The following IRAG2 variants were observed in gnomAD, a reference collection of about 807,000 sequenced individuals.
The protein encoded by IRAG2 is inositol 1,4,5-triphosphate receptor associated 2.
In IRAG2, 45 loss-of-function variants were observed where a neutral mutation model predicts 69.9. The ratio of observed to expected loss-of-function variants is 0.64; its 90% CI spans 0.51 to 0.83. IRAG2 has a LOEUF of 0.83. Among genes scored for constraint, IRAG2 ranks in the 40% least tolerant of loss-of-function variants. The probability of loss-of-function intolerance (pLI) is 0.00; values close to 1 mark genes in which losing one functional copy is unlikely to be tolerated. For missense variants in IRAG2, 520 were observed against 587.0 expected (o/e 0.89, Z 1.18); for synonymous variants, 193 against 202.4 (o/e 0.95, Z 0.40).
At chr12:25,057,346 C>T (rs1016966886) in intron 1 of IRAG2, among the ~76,000 whole-genome samples, 1 of 142,496 alleles carries the variant, frequency 7.0e-6, no homozygotes, top group Non-Finnish European at 1.5e-5. Flanking sequence ...GTAGCCTCAA[C>T]CTCCTGGGCT....
intron 10 of IRAG2, chr12:25,030,967 G>C (rs1944663506): frequency 1.1e-6 from 1 of 911,380 alleles, no homozygotes; most frequent in Non-Finnish European, 1.3e-6. Flanking sequence ...TACATAGATA[G>C]ATATCATTCT....
Position 25,062,819 on chromosome 12 carries a change from G to T in IRAG2, c.-384-1G>T. On this transcript the variant is annotated splice_acceptor_variant, in intron 2 of 21. Transcript: ENST00000556887. LOFTEE classifies it low-confidence loss of function (5UTR_SPLICE). ...TACACTCTACCATTTTCTCTTGACAGAGCTTTTTAGATGAGGAATTTCCTC... is the reference window on the plus strand; with the variant it reads ...TACACTCTACCATTTTCTCTTGACATAGCTTTTTAGATGAGGAATTTCCTC... 1 of 398,944 alleles carries T rather than the reference G, an allele frequency of 2.5e-6. No homozygotes were observed. Among genetic ancestry groups the T allele is most frequent in the Non-Finnish European group, 4.4e-6 (1 of 226,012 alleles). 24.7% of individuals were successfully genotyped at this position (398,944 alleles called of 1,614,324 possible).
upstream of IRAG2, among the ~76,000 whole-genome samples, chr12:25,047,443 T>TG (rs1555129107): frequency 1.9e-4 from 18 of 92,424 alleles, no homozygotes; most frequent in African/African-American, 1.0e-3. Flanking sequence ...TTTTTGTTGT[T>TG]TTTTTGTTTT....
At chr12:25,041,187 G>T (rs1242798410) in intron 16 of IRAG2, among the ~76,000 whole-genome samples, 3 of 152,116 alleles carry the variant, frequency 2.0e-5, no homozygotes, top group Non-Finnish European at 2.9e-5. Context: ...GCCATGGCTG[G>T]GGCAGGGTGG....
chr12:25,002,644 C>CTT (rs747474830), upstream of IRAG2, among the ~76,000 whole-genome samples: 19 of 137,786 alleles, frequency 1.4e-4, no homozygotes, highest in African/African-American at 5.3e-4. Context: ...TCTTCTTCTT[C>CTT]TTTTCTTTTT....
chr12:25,069,687 A>G, intron 6 of IRAG2, among the ~76,000 whole-genome samples: 1 of 152,156 alleles, frequency 6.6e-6, no homozygotes, highest in East Asian at 1.9e-4. Context: ...CCAAAAAGAG[A>G]TTTCAATGAA....
chr12:25,023,458 T>C (rs1166421799), intron 7 of IRAG2, among the ~76,000 whole-genome samples: 1 of 152,234 alleles, frequency 6.6e-6, no homozygotes, highest in Non-Finnish European at 1.5e-5. Flanking sequence ...AAACAGTTTT[T>C]GATGCTCATA....
chr12:25,027,588 G>A (rs183122889), intron 9 of IRAG2, among the ~76,000 whole-genome samples: 1 of 151,742 alleles, frequency 6.6e-6, no homozygotes, highest in African/African-American at 2.4e-5. Context: ...TAGAGACCGG[G>A]TTTCACCATG....
chr12:25,090,198 GT>G lies in IRAG2; in HGVS notation c.606+2del. The G allele has an allele frequency of 6.2e-7, 1 of 1,613,098 alleles. No individual in the cohort carries two copies. Among genetic ancestry groups the G allele is most frequent in the South Asian group, 1.1e-5 (1 of 90,962 alleles). On this transcript the variant is annotated splice_donor_variant, in intron 14 of 21. Coordinates refer to ENST00000556887, the MANE Select transcript of IRAG2 (RefSeq NM_001366544.2). LOFTEE classifies it high-confidence loss of function. ...CACTAACTGTTTAAAACTATTAGAGGTGAGAATCAGAACATTTGGGATATAA... is the reference window on the plus strand; with the variant it reads ...CACTAACTGTTTAAAACTATTAGAGGGAGAATCAGAACATTTGGGATATAA...
In IRAG2 at chr12:25,089,654, G is replaced by T; in HGVS notation, c.414G>T (p.Ser138=). Residue 138 remains serine, a synonymous_variant, in exon 12 of 22, where the codon TCG becomes TCT. Coordinates refer to ENST00000556887, the MANE Select transcript of IRAG2 (RefSeq NM_001366544.2). ...VSPLPVTTVK[S]VNLRQSENTS... is the part of the protein sequence containing the mutation. ...CTCTTCCTGTAACCACTGTGAAATC[G>T]GTTAACCTTAGACAAAGTGAGAAGT... is the stretch of plus-strand genomic sequence containing the variant. 1 of 1,604,122 alleles carries T rather than the reference G, an allele frequency of 6.2e-7. No individual in the cohort carries two copies. Among genetic ancestry groups the T allele is most frequent in the Non-Finnish European group, 8.5e-7 (1 of 1,171,372 alleles).
At chr12:25,052,318 C>T (rs772995477), upstream of IRAG2, 2 of 395,242 alleles carry the variant, frequency 5.1e-6, no homozygotes, top group South Asian at 2.6e-4. Context: ...CTCCAAGAAA[C>T]CAGCCAACGG....
At chr12:25,057,252 A>ATTTTTTTTTTTT (rs368710047) in intron 1 of IRAG2, among the ~76,000 whole-genome samples, 1 of 89,052 alleles carries the variant, frequency 1.1e-5, no homozygotes, top group Admixed American at 1.7e-4. Flanking sequence ...AGGTAGACAG[A>ATTTTTTTTTTTT]TTTTTTTTTT....
chr12:25,088,536 G>A (rs1235374978), intron 11 of IRAG2, among the ~76,000 whole-genome samples: 2 of 152,146 alleles, frequency 1.3e-5, no homozygotes, highest in African/African-American at 4.8e-5. Context: ...ATGGAATAGT[G>A]GATAGAGTTC....
Position 25,057,252 on chromosome 12 carries a change from A to ATTTTTTT in IRAG2, c.-447+4314_-446-4316dup, listed in dbSNP as rs368710047. ...GGTAGGTAGGTAGACAGGTAGACAG[A>ATTTTTTT]TTTTTTTTTTTTTTTTTTTTTTTTG... On this transcript the variant is annotated intron_variant, in intron 1 of 21. Coordinates refer to ENST00000556887, the MANE Select transcript of IRAG2 (RefSeq NM_001366544.2). Among the ~76,000 whole-genome samples the ATTTTTTT allele has an allele frequency of 3.5e-4, 31 of 89,044 alleles. 3 individuals are homozygous for ATTTTTTT. Among genetic ancestry groups the ATTTTTTT allele is most frequent in the African/African-American group, 1.2e-3 (27 of 21,664 alleles). 58.4% of individuals were successfully genotyped at this position (89,044 alleles called of 152,430 possible).
chr12:25,069,555 C>T, intron 6 of IRAG2, 124 bp downstream of exon 6: 2 of 809,930 alleles, frequency 2.5e-6, no homozygotes, highest in South Asian at 3.7e-5. Flanking sequence ...TGTAGCAAGT[C>T]TGAGTCTGCT....
chr12:25,001,864 G>A (rs2139809940), upstream of IRAG2, among the ~76,000 whole-genome samples: 1 of 151,586 alleles, frequency 6.6e-6, no homozygotes, highest in East Asian at 1.9e-4. Flanking sequence ...CTGCCTCCTG[G>A]GTTCAAGCAA....
chr12:25,016,643 G>C (rs1225254310), intron 5 of IRAG2, among the ~76,000 whole-genome samples: 1 of 151,862 alleles, frequency 6.6e-6, no homozygotes, highest in Non-Finnish European at 1.5e-5. Context: ...CATGCCTGTA[G>C]TCCCAGCTAC....
intron 6 of IRAG2, among the ~76,000 whole-genome samples, chr12:25,078,863 G>A (rs1407364838): frequency 1.3e-5 from 2 of 152,166 alleles, no homozygotes; most frequent in African/African-American, 4.8e-5. Flanking sequence ...AGAAATTTTA[G>A]GTTGAGTGCT....
intron 14 of IRAG2, 61 bp downstream of exon 14, chr12:25,090,258 C>A (rs1171954219): frequency 1.3e-6 from 2 of 1,506,620 alleles, no homozygotes; most frequent in Admixed American, 3.6e-5. Context: ...TGGCTCACAC[C>A]TATAATCCCT....
Sources: allele counts gnomAD v4.1 joint callset (sites outside exome capture counted in the v4.1 genomes callset), GRCh38; gene constraint gnomAD v4.1.1; transcripts MANE v1.5; gene names NCBI Gene and HGNC (gene_info 2026-07-23, HGNC 2026-07-21).